C3orf52: variants seen among roughly 807,000 people sequenced by gnomAD.
C3orf52 encodes the protein TPA-induced transmembrane protein.
In C3orf52, 22 loss-of-function variants were observed where a neutral mutation model predicts 24.8. The ratio of observed to expected loss-of-function variants is 0.89; its 90% CI spans 0.63 to 1.27. C3orf52 has a LOEUF of 1.27. C3orf52 is among the 50% of genes most tolerant of loss of function. The probability of loss-of-function intolerance (pLI) is 0.00; values close to 1 mark genes in which losing one functional copy is unlikely to be tolerated. For missense variants in C3orf52, 265 were observed against 260.7 expected (o/e 1.02, Z -0.11); for synonymous variants, 93 against 100.2 (o/e 0.93, Z 0.43).
At chr3:112,127,871 G>T in intron 4 of C3orf52, 1 of 657,468 alleles carries the variant, frequency 1.5e-6, no homozygotes, top group Admixed American at 2.5e-5. Flanking sequence ...TGGAAGGATT[G>T]CTTCCCTGAT....
chr3:112,133,001 G>A (rs1225536694), downstream of C3orf52: 3 of 1,321,744 alleles, frequency 2.3e-6, no homozygotes, highest in South Asian at 1.3e-5. Flanking sequence ...CCAACTTAGT[G>A]TGCTAACTGT....
chr3:112,122,702 C>G (rs1048080380), downstream of C3orf52: 1 of 152,144 alleles, frequency 6.6e-6, no homozygotes, highest in Non-Finnish European at 1.5e-5. Flanking sequence ...TTGCCACTAA[C>G]TTTAATGTAT....
chr3:112,095,299 T>G (rs1204150113), intron 2 of C3orf52, among the ~76,000 whole-genome samples: 1 of 152,236 alleles, frequency 6.6e-6, no homozygotes. Flanking sequence ...TTCCAACACA[T>G]GGATGTTGAA....
chr3:112,130,207 C>G (rs1393278694), downstream of C3orf52: 1 of 543,786 alleles, frequency 1.8e-6, no homozygotes, highest in Non-Finnish European at 3.3e-6. Context: ...ATAACAGGGA[C>G]TAGCAGGGTC....
At chr3:112,088,487 A>G (rs2073849072) in intron 1 of C3orf52, among the ~76,000 whole-genome samples, 1 of 152,202 alleles carries the variant, frequency 6.6e-6, no homozygotes, top group Non-Finnish European at 1.5e-5. Flanking sequence ...AATTATCACA[A>G]CTAACTTAAG....
downstream of C3orf52, chr3:112,135,256 AGTGCCTACTAT>A (rs2074539654): frequency 6.6e-6 from 1 of 152,210 alleles, no homozygotes. Flanking sequence ...GTATGTGTCG[AGTGCCTACTAT>A]GTGCTGGGCA....
downstream of C3orf52, chr3:112,129,968 T>C (rs1182130434): frequency 6.4e-6 from 1 of 156,574 alleles, no homozygotes; most frequent in Non-Finnish European, 1.4e-5. Flanking sequence ...GAAAGGTCTG[T>C]TCAAAAAGAA....
At chr3:112,123,210 A>G, downstream of C3orf52, 1 of 641,580 alleles carries the variant, frequency 1.6e-6, no homozygotes, top group South Asian at 2.0e-5. Flanking sequence ...ATACTCTCCA[A>G]ACCATGTAGA....
At chr3:112,096,339 G>A (rs1049324089) in intron 2 of C3orf52, among the ~76,000 whole-genome samples, 1 of 152,190 alleles carries the variant, frequency 6.6e-6, no homozygotes, top group African/African-American at 2.4e-5. Context: ...GTGCATTCCT[G>A]CACCATTACC....
chr3:112,114,571 G>T, intron 5 of C3orf52, among the ~76,000 whole-genome samples: 1 of 151,970 alleles, frequency 6.6e-6, no homozygotes, highest in Non-Finnish European at 1.5e-5. Context: ...GGGCATGGTG[G>T]CAGGTGCTTA....
chr3:112,093,323 A>T (rs1448899905), intron 1 of C3orf52, 37 bp from the exon 2 acceptor site: 1 of 1,610,894 alleles, frequency 6.2e-7, no homozygotes, highest in Non-Finnish European at 8.5e-7. Context: ...CTGTTGCAAC[A>T]CAATGACTGC....
intron 3 of C3orf52, among the ~76,000 whole-genome samples, chr3:112,106,338 C>G (rs915705956): frequency 3.3e-5 from 5 of 152,112 alleles, no homozygotes; most frequent in Non-Finnish European, 7.4e-5. Flanking sequence ...AGCGATTCTC[C>G]CTGCTCAGTC....
chr3:112,110,971 GA>G (rs1212601648), intron 4 of C3orf52, among the ~76,000 whole-genome samples: 1 of 152,196 alleles, frequency 6.6e-6, no homozygotes, highest in Non-Finnish European at 1.5e-5. Flanking sequence ...AGTACTTTGG[GA>G]GGCTGAGGTA....
At chr3:112,120,206 G>A (rs1230072935), downstream of C3orf52, among the ~76,000 whole-genome samples, 1 of 152,240 alleles carries the variant, frequency 6.6e-6, no homozygotes, top group Non-Finnish European at 1.5e-5. Flanking sequence ...CTCAGATCAA[G>A]TGGGTTTCTG....
chr3:112,097,198 T>C (rs943525896), intron 2 of C3orf52, among the ~76,000 whole-genome samples: 2 of 152,202 alleles, frequency 1.3e-5, no homozygotes, highest in African/African-American at 4.8e-5. Context: ...AGTTGAGTGT[T>C]CTCAAGGGTT....
chr3:112,128,643 A>G (rs1202426701), exon 5 of C3orf52: 2 of 188,662 alleles, frequency 1.1e-5, no homozygotes, highest in East Asian at 2.6e-4. Flanking sequence ...TGATGAAGAT[A>G]TGAATACAGA....
chr3:112,099,199 T>C (rs1025462694), intron 2 of C3orf52, among the ~76,000 whole-genome samples: 12 of 152,192 alleles, frequency 7.9e-5, no homozygotes, highest in African/African-American at 2.7e-4. Context: ...CGCAGAACTG[T>C]AAGACAATTA....
chr3:112,090,757 A>G lies in C3orf52; in HGVS notation c.139-2603A>G, dbSNP rs541366051. The stretch of plus-strand genomic sequence containing the variant: ...AAGGCATGAGAGGCCAAGGAGGTGC[A>G]TTGACACTCATTCTATGGCTCATTT... On this transcript the variant is annotated intron_variant, in intron 1 of 5. Transcript: ENST00000264848. Among the ~76,000 whole-genome samples, 33 of 152,344 alleles carry G rather than the reference A, an allele frequency of 2.2e-4. No individual in the cohort carries two copies. In the South Asian group the frequency reaches 6.8e-3, roughly 32 times the overall value.
At chr3:112,113,232 A>C (rs2074103646) in intron 5 of C3orf52, 87 bp downstream of exon 5, 3 of 974,258 alleles carry the variant, frequency 3.1e-6, no homozygotes, top group Middle Eastern at 2.2e-4. Flanking sequence ...CGATTTGGCA[A>C]CTGTGGTGAC....
Sources: allele counts gnomAD v4.1 joint callset (sites outside exome capture counted in the v4.1 genomes callset), GRCh38; gene constraint gnomAD v4.1.1; transcripts MANE v1.5; gene names NCBI Gene and HGNC (gene_info 2026-07-23, HGNC 2026-07-21).